The following INSR variants were observed in gnomAD, a reference collection of about 807,000 sequenced individuals.
The protein encoded by INSR is insulin receptor, also known as IR.
A neutral mutation model predicts 142.6 loss-of-function variants in INSR; 67 were observed. The ratio of observed to expected loss-of-function variants is 0.47; its 90% CI spans 0.39 to 0.58. INSR has a LOEUF of 0.58. Among genes scored for constraint, INSR ranks in the 20% least tolerant of loss-of-function variants. INSR has a pLI of 0.00. For synonymous variants in INSR, 756 were observed against 743.1 expected (o/e 1.02, Z -0.28); for missense variants, 1,248 against 1,833.2 (o/e 0.68, Z 5.83).
intron 17 of INSR, among the ~76,000 whole-genome samples, chr19:7,124,017 C>T (rs959054241): frequency 3.3e-5 from 5 of 151,346 alleles, no homozygotes; most frequent in African/African-American, 1.2e-4. Context: ...GTCAGGAGAT[C>T]GAGACCATCC....
chr19:7,202,395 T>C (rs927894879), intron 2 of INSR, among the ~76,000 whole-genome samples: 3 of 152,190 alleles, frequency 2.0e-5, no homozygotes, highest in Non-Finnish European at 4.4e-5. Context: ...TCTGCCTTTG[T>C]CTCCATGTTC....
At chr19:7,191,103 C>A (rs1026740234) in intron 2 of INSR, among the ~76,000 whole-genome samples, 11 of 152,064 alleles carry the variant, frequency 7.2e-5, no homozygotes, top group African/African-American at 2.2e-4. Flanking sequence ...TCGAGACCAG[C>A]CTGGCCGACA....
At chr19:7,236,215 G>A (rs562812875) in intron 2 of INSR, among the ~76,000 whole-genome samples, 2 of 152,148 alleles carry the variant, frequency 1.3e-5, no homozygotes, top group Admixed American at 6.6e-5. Context: ...ACCCGCCTCA[G>A]CCTCCCAAAG....
intron 9 of INSR, among the ~76,000 whole-genome samples, chr19:7,153,413 A>ACCCACCATAC (rs1973494590): frequency 2.9e-5 from 1 of 35,022 alleles, no homozygotes. Context: ...TACACACTTC[A>ACCCACCATAC]CACACACCAC....
intron 2 of INSR, among the ~76,000 whole-genome samples, chr19:7,243,247 T>TTG (rs1040529417): frequency 2.3e-5 from 3 of 132,644 alleles, no homozygotes; most frequent in Non-Finnish European, 4.8e-5. Context: ...TTTTTTTTTT[T>TTG]TTTTTTTTTT....
intron 9 of INSR, 44 bp downstream of exon 9, chr19:7,162,988 C>T (rs776157189): frequency 2.0e-5 from 32 of 1,604,902 alleles, no homozygotes; most frequent in East Asian, 1.1e-4. Context: ...ATCAGACACA[C>T]GTGTGCAAAC....
intron 13 of INSR, among the ~76,000 whole-genome samples, chr19:7,135,709 G>A (rs891355716): frequency 6.6e-6 from 1 of 151,850 alleles, no homozygotes; most frequent in African/African-American, 2.4e-5. Flanking sequence ...GGTGGTTCAC[G>A]CCTATAATCC....
intron 9 of INSR, among the ~76,000 whole-genome samples, chr19:7,158,397 A>G (rs1973664401): frequency 1.3e-5 from 2 of 152,122 alleles, no homozygotes; most frequent in East Asian, 1.9e-4. Flanking sequence ...GCTACTCGGG[A>G]GGCTGACGCA....
intron 11 of INSR, among the ~76,000 whole-genome samples, chr19:7,146,815 A>G (rs182523104): frequency 2.0e-5 from 3 of 152,284 alleles, no homozygotes; most frequent in Admixed American, 2.0e-4. Context: ...ACCTTACTGA[A>G]ACTTTCAAAT....
At chr19:7,154,598 G>C (rs937572999) in intron 9 of INSR, among the ~76,000 whole-genome samples, 18 of 147,878 alleles carry the variant, frequency 1.2e-4, no homozygotes, top group African/African-American at 4.4e-4. Flanking sequence ...CACTGCACCC[G>C]GCCCACAATT....
intron 2 of INSR, among the ~76,000 whole-genome samples, chr19:7,208,345 T>C (rs1346109893): frequency 6.7e-6 from 1 of 148,714 alleles, no homozygotes; most frequent in Non-Finnish European, 1.5e-5. Context: ...TCAGCCTATC[T>C]TCCCTCTGGC....
chr19:7,264,773 C>T (rs542209404), intron 2 of INSR, among the ~76,000 whole-genome samples: 2 of 152,298 alleles, frequency 1.3e-5, no homozygotes, highest in South Asian at 4.1e-4. Flanking sequence ...CCCTGACCTA[C>T]AATATTCTCA....
chr19:7,248,754 ATT>A (rs552940485), intron 2 of INSR, among the ~76,000 whole-genome samples: 181 of 97,266 alleles, frequency 1.9e-3, no homozygotes, highest in Middle Eastern at 7.7e-3. Flanking sequence ...GTTGGCCAGA[ATT>A]TTTTTTTTTT....
At chr19:7,287,190 C>T (rs1341942356) in intron 1 of INSR, among the ~76,000 whole-genome samples, 5 of 133,788 alleles carry the variant, frequency 3.7e-5, no homozygotes, top group Admixed American at 1.7e-4. Flanking sequence ...GATGGAGTTT[C>T]GCTCTGTCAC....
chr19:7,170,858 T>G (rs1477493268), intron 5 of INSR, 107 bp from the exon 6 acceptor site: 9 of 858,644 alleles, frequency 1.0e-5, no homozygotes, highest in Non-Finnish European at 1.4e-5. Context: ...ACGTGCCTAA[T>G]CCTCTCCACT....
Position 7,141,680 on chromosome 19 carries a change from A to G in INSR, c.2679T>C (p.Asp893=). 1 of 1,614,044 alleles carries G rather than the reference A, an allele frequency of 6.2e-7. No homozygotes were observed. The highest frequency in any genetic ancestry group is 8.5e-7 in the Non-Finnish European group (1 of 1,179,860). The part of the protein sequence containing the change: ...LYEVSYRRYG[D]EELHLCVSRK... ...GCCCAAGAGTCAAGGGCCTTACCTC[A>G]TCACCATATCGCCGATAACTCACTT... Residue 893 remains aspartate (D), a synonymous_variant, in exon 13 of 22, where the codon GAT becomes GAC. Transcript: ENST00000302850.
rs1568489629 is a variant in INSR at position 7,212,688 on chromosome 19, CGAT to C, written c.653-28054_653-28052del. Among the ~76,000 whole-genome samples the C allele has an allele frequency of 2.6e-5, 4 of 152,150 alleles. No individual in the cohort carries two copies. The East Asian group carries it at 7.8e-4, about 29-fold the overall frequency. ...GCAAGCTCTACCTCCCGGGTTCAAG[CGAT>C]TCTCCTGCCTCAGCCTCCCAAGTAG... On this transcript the variant is annotated intron_variant, in intron 2 of 21. Transcript: ENST00000302850.
At chr19:7,279,337 C>G (rs1400884101) in intron 1 of INSR, among the ~76,000 whole-genome samples, 1 of 151,210 alleles carries the variant, frequency 6.6e-6, no homozygotes, top group Non-Finnish European at 1.5e-5. Context: ...AGAGAAACAG[C>G]CTTCTGGCAG....
At chr19:7,236,310 C>G (rs959696335) in intron 2 of INSR, among the ~76,000 whole-genome samples, 1 of 152,078 alleles carries the variant, frequency 6.6e-6, no homozygotes, top group African/African-American at 2.4e-5. Context: ...CCATTCTGCT[C>G]CAGGATATAA....
Sources: allele counts gnomAD v4.1 joint callset (sites outside exome capture counted in the v4.1 genomes callset), GRCh38; gene constraint gnomAD v4.1.1; transcripts MANE v1.5; gene names NCBI Gene and HGNC (gene_info 2026-07-23, HGNC 2026-07-21).